Variants in SAMD5 observed in about 807,000 individuals in gnomAD.
SAMD5 encodes sterile alpha motif domain containing 5.
In SAMD5, 13 loss-of-function variants were observed where a neutral mutation model predicts 11.3. The observed-to-expected ratio is 1.15, with a 90% confidence interval of 0.75 to 1.83. SAMD5 has a LOEUF of 1.83. SAMD5 is among the 40% of genes most tolerant of loss of function. The pLI, the probability that SAMD5 is intolerant of heterozygous loss-of-function variation, is 0.00. For missense variants in SAMD5, 255 were observed against 239.1 expected (o/e 1.07, Z -0.44); for synonymous variants, 129 against 111.3 (o/e 1.16, Z -1.00).
downstream of SAMD5, among the ~76,000 whole-genome samples, chr6:147,571,801 C>G (rs767682578): frequency 2.0e-5 from 3 of 151,992 alleles, no homozygotes; most frequent in Non-Finnish European, 4.4e-5. Flanking sequence ...TAAAAAAATC[C>G]TTGCCTATAA....
the SAMD5 span, among the ~76,000 whole-genome samples, chr6:147,787,203 A>AT: frequency 6.6e-6 from 1 of 152,026 alleles, no homozygotes; most frequent in Admixed American, 6.6e-5. Context: ...GAAATGGCTA[A>AT]TTTTTTCTTT....
chr6:147,862,628 C>T, the SAMD5 span, among the ~76,000 whole-genome samples: 7 of 152,096 alleles, frequency 4.6e-5, no homozygotes, highest in African/African-American at 1.4e-4. Context: ...CAACTTATTT[C>T]CTGGTATCAA....
chr6:147,569,516 A>G lies in SAMD5; in HGVS notation c.*5060A>G. The G allele has an allele frequency of 1.2e-6, 1 of 851,012 alleles. No individual in the cohort carries two copies. The highest frequency in any genetic ancestry group is 1.4e-6 in the Non-Finnish European group (1 of 707,490). 52.7% of individuals were successfully genotyped at this position (851,012 alleles called of 1,614,324 possible). A position where few individuals can be genotyped will look rare whatever the true frequency, so the allele number is the denominator to read the frequency against. ...ATTTAAGATGGGAAATGTCTTTTAT[A>G]GGTATATTCTGTATAATACCCTTAA... On this transcript the variant is annotated 3_prime_UTR_variant, in exon 2 of 2. Coordinates refer to ENST00000367474, the MANE Select transcript of SAMD5 (RefSeq NM_001030060.3).
At chr6:147,649,074 T>C (rs2128453137) in intron 1 of SAMD5, among the ~76,000 whole-genome samples, 1 of 152,342 alleles carries the variant, frequency 6.6e-6, no homozygotes, top group Middle Eastern at 3.4e-3. Flanking sequence ...TGTAATGTTT[T>C]CCATATGCCG....
chr6:147,539,125 C>T (rs1788560042), intron 1 of SAMD5, among the ~76,000 whole-genome samples: 1 of 152,186 alleles, frequency 6.6e-6, no homozygotes, highest in African/African-American at 2.4e-5. Flanking sequence ...AAGGCAAAGA[C>T]AGATCCCCAA....
chr6:147,897,429 T>C, the SAMD5 span, among the ~76,000 whole-genome samples: 10 of 152,296 alleles, frequency 6.6e-5, no homozygotes, highest in African/African-American at 2.4e-4. Flanking sequence ...GCTCCTGCAC[T>C]TAGACATTTG....
chr6:147,561,008 T>C (rs1034806238), intron 1 of SAMD5, among the ~76,000 whole-genome samples: 11 of 152,178 alleles, frequency 7.2e-5, no homozygotes, highest in African/African-American at 2.7e-4. Flanking sequence ...GTAAACCTTT[T>C]AGCAATGTTT....
chr6:147,835,608 C>A, the SAMD5 span, among the ~76,000 whole-genome samples: 9 of 152,150 alleles, frequency 5.9e-5, no homozygotes, highest in Non-Finnish European at 1.2e-4. Flanking sequence ...TTTCTGTTTA[C>A]CCCGAGGACC....
chr6:147,672,083 C>A (rs1790804067), intron 1 of SAMD5, among the ~76,000 whole-genome samples: 1 of 151,748 alleles, frequency 6.6e-6, no homozygotes, highest in African/African-American at 2.4e-5. Flanking sequence ...CATGGTTAAC[C>A]TCTCTACTTA....
chr6:147,717,565 A>G (rs2128458958), intron 1 of SAMD5, among the ~76,000 whole-genome samples: 1 of 152,348 alleles, frequency 6.6e-6, no homozygotes, highest in South Asian at 2.1e-4. Flanking sequence ...CCGCGTGTCC[A>G]TTCTCCTTCA....
chr6:147,633,757 C>T (rs1205413497), intron 1 of SAMD5, among the ~76,000 whole-genome samples: 1 of 148,486 alleles, frequency 6.7e-6, no homozygotes, highest in Non-Finnish European at 1.5e-5. Flanking sequence ...CTCTTCTTTT[C>T]CTTCATCTTG....
intron 1 of SAMD5, among the ~76,000 whole-genome samples, chr6:147,578,305 T>A (rs1789247786): frequency 6.6e-6 from 1 of 152,156 alleles, no homozygotes; most frequent in African/African-American, 2.4e-5. Context: ...TCTCGTATAA[T>A]TTACCTGACT....
the SAMD5 span, among the ~76,000 whole-genome samples, chr6:147,771,998 T>C: frequency 1.3e-5 from 2 of 152,294 alleles, no homozygotes; most frequent in South Asian, 4.1e-4. Context: ...GAAAGTTTTT[T>C]CTGAAAAAGA....
chr6:147,540,508 G>A (rs1311447694), intron 1 of SAMD5, among the ~76,000 whole-genome samples: 2 of 152,186 alleles, frequency 1.3e-5, no homozygotes, highest in Non-Finnish European at 2.9e-5. Flanking sequence ...ACAAGACAGA[G>A]GAATTTCATA....
Position 147,547,171 on chromosome 6 carries a change from T to C in SAMD5, c.460-17223T>C, listed in dbSNP as rs143546281. On this transcript the variant is annotated intron_variant, in intron 1 of 1. Coordinates refer to ENST00000367474, the MANE Select transcript of SAMD5 (RefSeq NM_001030060.3). Reference sequence around the variant, plus strand: ...TAACAGAACACCTCGGTTGATAAATTTAGTTACATGTTGCATTAGTTTTCT... The same window carrying C: ...TAACAGAACACCTCGGTTGATAAATCTAGTTACATGTTGCATTAGTTTTCT... Among the ~76,000 whole-genome samples the C allele has an allele frequency of 5.3e-5, 8 of 152,268 alleles. No homozygotes were observed. In the East Asian group the frequency reaches 1.5e-3, roughly 29 times the overall value.
chr6:147,767,338 T>C, the SAMD5 span, among the ~76,000 whole-genome samples: 1 of 149,900 alleles, frequency 6.7e-6, no homozygotes, highest in Non-Finnish European at 1.5e-5. Context: ...AAAATCTCCC[T>C]CTAGAGCTGG....
At chr6:147,646,058 C>A (rs1484434926) in intron 1 of SAMD5, among the ~76,000 whole-genome samples, 1 of 114,340 alleles carries the variant, frequency 8.7e-6, no homozygotes. Flanking sequence ...ATCTATCTAT[C>A]TATCTATCTA....
chr6:147,674,133 G>T (rs1367002051), intron 1 of SAMD5, among the ~76,000 whole-genome samples: 1 of 152,090 alleles, frequency 6.6e-6, no homozygotes, highest in Admixed American at 6.6e-5. Context: ...GAGAGAAAAG[G>T]GGGACAGGGG....
At chr6:147,703,081 T>G (rs1453984410) in intron 1 of SAMD5, among the ~76,000 whole-genome samples, 1 of 152,158 alleles carries the variant, frequency 6.6e-6, no homozygotes, top group Non-Finnish European at 1.5e-5. Flanking sequence ...TTTGTTTTGT[T>G]TTTTGAGAAG....
Sources: gnomAD v4.1 joint callset for allele counts (sites outside exome capture counted in the v4.1 genomes callset) on GRCh38, gnomAD v4.1.1 for gene constraint, MANE v1.5 for transcripts, NCBI Gene and HGNC (gene_info 2026-07-23, HGNC 2026-07-21) for gene names.